The following CAPS2 variants were observed in gnomAD, a reference collection of about 807,000 sequenced individuals.
CAPS2 encodes calcyphosine 2, also known as calcyphosin-2.
Under a neutral mutation model 86.5 loss-of-function variants are expected in CAPS2, and 98 were observed. That is an observed-to-expected ratio of 1.13 (90% CI 0.96 to 1.34). The LOEUF (loss-of-function observed/expected upper bound fraction) is 1.34, where lower values mean the gene tolerates loss of function less well. CAPS2 is among the 40% of genes most tolerant of loss of function. The pLI is 0.00. For missense variants in CAPS2, 729 were observed against 686.8 expected (o/e 1.06, Z -0.69); for synonymous variants, 210 against 225.1 (o/e 0.93, Z 0.60).
chr12:75,348,169 T>C (rs2042577968), intron 1 of CAPS2, among the ~76,000 whole-genome samples: 1 of 152,130 alleles, frequency 6.6e-6, no homozygotes, highest in Non-Finnish European at 1.5e-5. Context: ...TAAATGAAAA[T>C]ATAGCATAAG....
chr12:75,316,273 T>C, intron 6 of CAPS2, 39 bp downstream of exon 6: 2 of 1,547,906 alleles, frequency 1.3e-6, no homozygotes, highest in Non-Finnish European at 1.7e-6. Context: ...CAAATAAGAT[T>C]AATGGCTCAC....
chr12:75,382,248 A>T (rs372633854), intron 1 of CAPS2, among the ~76,000 whole-genome samples: 15 of 152,216 alleles, frequency 9.9e-5, no homozygotes, highest in Admixed American at 7.2e-4. Context: ...TTATCCCATG[A>T]TCATTTTCAG....
intron 1 of CAPS2, among the ~76,000 whole-genome samples, chr12:75,386,281 C>T (rs1213508469): frequency 6.6e-6 from 1 of 152,164 alleles, no homozygotes; most frequent in Admixed American, 6.5e-5. Context: ...GTGTCTCAGT[C>T]TGTTTTGTGC....
chr12:75,386,719 C>T lies in CAPS2; in HGVS notation c.-395+4119G>A, dbSNP rs2045312258. On this transcript the variant is annotated intron_variant, in intron 1 of 5. Transcript: ENST00000551829. ...AGTATTGGTGAAAGTAGAAATAAAT[C>T]CATGGAACAGAATAGAGAGCTGAGA... Among the ~76,000 whole-genome samples, 6 of 152,076 alleles carry T rather than the reference C, an allele frequency of 3.9e-5. No homozygotes were observed. The South Asian group carries it at 1.2e-3, about 32-fold the overall frequency.
In CAPS2 at chr12:75,326,375, A is replaced by G. The variant is rs1316659667; in HGVS notation, c.81+43T>C. On this transcript the variant is annotated intron_variant, in intron 1 of 16. Transcript: ENST00000393284. ...TGAAGAAAAGGTAAAAAAATTATTTATAAGTCATCCTGAAAGAAGAAAATT... is the reference window on the plus strand; with the variant it reads ...TGAAGAAAAGGTAAAAAAATTATTTGTAAGTCATCCTGAAAGAAGAAAATT... 4 of 742,026 alleles carry G rather than the reference A, an allele frequency of 5.4e-6. 1 individual carries two copies. Among genetic ancestry groups the G allele is most frequent in the Non-Finnish European group, 9.0e-6 (4 of 444,878 alleles). 46.0% of individuals were successfully genotyped at this position (742,026 alleles called of 1,614,324 possible). A position where few individuals can be genotyped will look rare whatever the true frequency, so the allele number is the denominator to read the frequency against.
chr12:75,344,755 T>C (rs948639842), intron 1 of CAPS2, among the ~76,000 whole-genome samples: 2 of 152,144 alleles, frequency 1.3e-5, no homozygotes, highest in African/African-American at 2.4e-5. Flanking sequence ...AGCTGTCTTT[T>C]TGGGTACAGC....
intron 1 of CAPS2, among the ~76,000 whole-genome samples, chr12:75,379,121 T>C (rs776489494): frequency 3.3e-5 from 5 of 152,212 alleles, no homozygotes; most frequent in Non-Finnish European, 7.3e-5. Flanking sequence ...CCTTTACCCC[T>C]TTATACTTAT....
chr12:75,317,869 A>C (rs908220634), intron 5 of CAPS2, among the ~76,000 whole-genome samples: 1 of 152,096 alleles, frequency 6.6e-6, no homozygotes, highest in African/African-American at 2.4e-5. Context: ...CCTTCTTATC[A>C]AATTTCTAGG....
upstream of CAPS2, chr12:75,334,324 C>A (rs1335750279): frequency 4.7e-6 from 1 of 215,026 alleles, no homozygotes; most frequent in African/African-American, 2.3e-5. Flanking sequence ...GTCTAAGAAA[C>A]GAATATATAG....
In CAPS2 at chr12:75,277,971, A is replaced by G. The variant is rs1018383589; in HGVS notation, c.*919T>C. On this transcript the variant is annotated 3_prime_UTR_variant, in exon 17 of 17. Transcript: ENST00000393284. Reference sequence around the variant, plus strand: ...TTATACTAAAACAGATGTTTAGAATATCATACATTCATTTTAGGATACAAA... The same window carrying G: ...TTATACTAAAACAGATGTTTAGAATGTCATACATTCATTTTAGGATACAAA... 6 of 876,804 alleles carry G rather than the reference A, an allele frequency of 6.8e-6. No individual in the cohort carries two copies. In the East Asian group the frequency reaches 3.6e-4, roughly 53 times the overall value. 54.3% of individuals were successfully genotyped at this position (876,804 alleles called of 1,614,324 possible). A position where few individuals can be genotyped will look rare whatever the true frequency, so the allele number is the denominator to read the frequency against.
rs1299115269 is a variant in CAPS2 at position 75,318,359 on chromosome 12, C to CTATTCTCAA, written c.469-1934_469-1926dup. Among the ~76,000 whole-genome samples, 3 of 152,190 alleles carry CTATTCTCAA rather than the reference C, an allele frequency of 2.0e-5. No individual in the cohort carries two copies. In the East Asian group the frequency reaches 5.8e-4, roughly 29 times the overall value. On this transcript the variant is annotated intron_variant, in intron 5 of 16. Coordinates refer to ENST00000393284, the Ensembl canonical transcript of CAPS2. ...AGGTCTTCCTGCTTTTATCTTTGTC[C>CTATTCTCAA]TATTCTCAATAAAGCCCATCCTCAA...
At chr12:75,304,647 T>C (rs969700386) in intron 8 of CAPS2, 110 bp downstream of exon 8, 2 of 809,706 alleles carry the variant, frequency 2.5e-6, no homozygotes. Flanking sequence ...TTTCTTTATA[T>C]AGAAAAAAGT....
chr12:75,294,403 A>T (rs533565743), intron 11 of CAPS2, among the ~76,000 whole-genome samples: 1 of 152,304 alleles, frequency 6.6e-6, no homozygotes, highest in African/African-American at 2.4e-5. Context: ...TACTTCTGAA[A>T]ATTAGATAAG....
intron 16 of CAPS2, 111 bp downstream of exon 16, chr12:75,282,140 A>T (rs933554363): frequency 1.2e-5 from 8 of 684,044 alleles, no homozygotes; most frequent in Non-Finnish European, 2.1e-5. Context: ...TCAAAAAAAT[A>T]GTTTATTTCC....
In CAPS2 at chr12:75,378,022, G is replaced by C. The variant is rs553691181; in HGVS notation, c.-395+12816C>G. 2.0e-5 allele frequency among the ~76,000 whole-genome samples: 3 copies of C among 151,958 alleles called. No homozygotes were observed. The East Asian group carries it at 5.8e-4, about 29-fold the overall frequency. ...GATACTTTTTTTTCTTTTTGAGACA[G>C]GGTCTCACTCTGTCACCCAGGCTGG... On this transcript the variant is annotated intron_variant, in intron 1 of 5. Transcript: ENST00000551829.
intron 1 of CAPS2, among the ~76,000 whole-genome samples, chr12:75,362,550 A>G (rs2043672212): frequency 6.6e-6 from 1 of 152,176 alleles, no homozygotes; most frequent in Non-Finnish European, 1.5e-5. Flanking sequence ...AATACTACTC[A>G]TGTTGTTATG....
upstream of CAPS2, chr12:75,329,829 C>T: frequency 6.5e-7 from 1 of 1,545,100 alleles, no homozygotes. Flanking sequence ...TAATTCAGAG[C>T]ACCTGCAGTG....
chr12:75,293,628 A>G (rs2036392307), intron 11 of CAPS2, among the ~76,000 whole-genome samples: 1 of 152,202 alleles, frequency 6.6e-6, no homozygotes, highest in African/African-American at 2.4e-5. Context: ...TTGTTTAATG[A>G]GAATGAGAGG....
At chr12:75,374,916 T>C (rs995691270) in intron 1 of CAPS2, among the ~76,000 whole-genome samples, 2 of 152,216 alleles carry the variant, frequency 1.3e-5, no homozygotes, top group African/African-American at 4.8e-5. Flanking sequence ...GATAATTCAC[T>C]GTCATTGTCC....
Sources: gnomAD v4.1 joint callset for allele counts (sites outside exome capture counted in the v4.1 genomes callset) on GRCh38, gnomAD v4.1.1 for gene constraint, MANE v1.5 for transcripts, NCBI Gene and HGNC (gene_info 2026-07-23, HGNC 2026-07-21) for gene names.